The following MAVS variants were observed in gnomAD, a reference collection of about 807,000 sequenced individuals.
MAVS encodes mitochondrial antiviral signaling protein, also known as mitochondrial antiviral-signaling protein.
MAVS carries 20 observed loss-of-function variants against 30.2 expected under a neutral mutation model. The observed-to-expected ratio is 0.66, with a 90% CI of 0.47 to 0.96. MAVS has a LOEUF of 0.96. MAVS is among the 40% of genes least tolerant of loss of function. The pLI is 0.00. For synonymous variants in MAVS, 278 were observed against 293.9 expected, an observed-to-expected ratio of 0.95 and a Z score of 0.55; for missense variants, 624 against 701.1, an observed-to-expected ratio of 0.89 and a Z score of 1.24.
At chr20:3,851,503 CAA>C (rs57620434) in intron 1 of MAVS, among the ~76,000 whole-genome samples, 18,668 of 95,506 alleles carry the variant, frequency 0.2, 998 homozygotes, top group African/African-American at 0.26. Context: ...GACTCTGTCT[CAA>C]AAAAAAAAAA....
rs1260635084 is a variant in MAVS at position 3,869,011 on chromosome 20, T to C, written c.*2864T>C. On this transcript the variant is annotated 3_prime_UTR_variant, in exon 7 of 7. Transcript: ENST00000428216. ...CCCGCCTCCCATCCTCCCATCTTTT[T>C]CTTTTTTCTTTTTTTTAGAGAATCA... 6 of 152,418 alleles carry C rather than the reference T, an allele frequency of 3.9e-5. No homozygotes were observed. In the East Asian group the frequency reaches 1.1e-3, roughly 29 times the overall value. The allele number at this position is 152,418 out of a possible 1,614,324, so 9.4% of individuals were successfully genotyped here.
chr20:3,859,955 T>G (rs898442166), intron 3 of MAVS, among the ~76,000 whole-genome samples: 1 of 151,806 alleles, frequency 6.6e-6, no homozygotes, highest in Non-Finnish European at 1.5e-5. Flanking sequence ...TAGCTGGGAC[T>G]ACAGGCGCCT....
chr20:3,848,862 A>ACCCAG (rs1287194714), intron 1 of MAVS, among the ~76,000 whole-genome samples: 16 of 152,024 alleles, frequency 1.1e-4, no homozygotes, highest in Non-Finnish European at 1.8e-4. Flanking sequence ...CCAAGGAGTC[A>ACCCAG]TGCTTCTTTT....
chr20:3,866,198 C>A lies in MAVS; in HGVS notation c.*51C>A. ...CCATCTGTTCCGTTCCTGCAGTACA[C>A]CTGGCCCCTCTCCGAAGCCCCTTGT... On this transcript the variant is annotated 3_prime_UTR_variant, in exon 7 of 7. Transcript: ENST00000428216. The A allele has an allele frequency of 6.8e-7, 1 of 1,464,456 alleles. No individual in the cohort carries two copies. Among genetic ancestry groups the A allele is most frequent in the Non-Finnish European group, 9.1e-7 (1 of 1,098,012 alleles). The allele number at this position is 1,464,456 out of a possible 1,614,324, so 90.7% of individuals were successfully genotyped here. A position where few individuals can be genotyped will look rare whatever the true frequency, so the allele number is the denominator to read the frequency against.
At chr20:3,850,105 GTC>G (rs1376328449) in intron 1 of MAVS, among the ~76,000 whole-genome samples, 1 of 149,870 alleles carries the variant, frequency 6.7e-6, no homozygotes, top group African/African-American at 2.5e-5. Flanking sequence ...GGTGAAACCT[GTC>G]TCTACTAAAA....
intron 4 of MAVS, 111 bp downstream of exon 4, chr20:3,861,615 T>A: frequency 2.5e-6 from 3 of 1,193,470 alleles, no homozygotes; most frequent in Non-Finnish European, 3.5e-6. Flanking sequence ...TCACGCCTAA[T>A]CTCTGCTCAG....
Position 3,863,202 on chromosome 20 carries a change from C to T in MAVS, c.625+789C>T, listed in dbSNP as rs118149486. On this transcript the variant is annotated intron_variant, in intron 5 of 6. Transcript: ENST00000428216. ...TCTCAGTCCCCAGAGGAAGTAAGGT[C>T]TTCATCATCCAGTGGCCTGGACTCA... is the stretch of plus-strand genomic sequence containing the variant. 9.2e-5 allele frequency among the ~76,000 whole-genome samples: 14 copies of T among 152,308 alleles called. No individual in the cohort carries two copies. The East Asian group carries it at 1.5e-3, about 17-fold the overall frequency.
chr20:3,856,432 A>C (rs1187327524), intron 2 of MAVS, among the ~76,000 whole-genome samples: 1 of 143,136 alleles, frequency 7.0e-6, no homozygotes, highest in Admixed American at 7.3e-5. Flanking sequence ...TCTTGGGTCA[A>C]CCTCTGCCTC....
intron 1 of MAVS, among the ~76,000 whole-genome samples, chr20:3,852,916 T>G (rs185470464): frequency 4.2e-5 from 6 of 143,610 alleles, no homozygotes; most frequent in South Asian, 4.7e-4. Flanking sequence ...CTCGGCTCAC[T>G]ACAACCTCCG....
Position 3,865,753 on chromosome 20 carries a change from A to T in MAVS, c.1229A>T (p.Glu410Val). 1 of 1,613,502 alleles carries T rather than the reference A, an allele frequency of 6.2e-7. No individual in the cohort carries two copies. The highest frequency in any genetic ancestry group is 8.5e-7 in the Non-Finnish European group (1 of 1,179,984). The change falls in exon 7 of 7, where the codon GAG becomes GTG. Residue 410 changes from glutamate (E) to valine (V), a missense_variant. Coordinates refer to ENST00000428216, the MANE Select transcript of MAVS (RefSeq NM_020746.5). This position sits in a 1 kb window ranked among gnomAD's most constrained non-coding sequence, Gnocchi z 4.7. ...TCAGCCTGGCTAGACAGCAGCTCTGAGAATAGGGGCCTTGGGTCGGAGCTG... is the reference window on the plus strand; with the variant it reads ...TCAGCCTGGCTAGACAGCAGCTCTGTGAATAGGGGCCTTGGGTCGGAGCTG... Reference protein sequence around the residue: ...GSSAWLDSSSENRGLGSELSK... With the variant: ...GSSAWLDSSSVNRGLGSELSK...
At chr20:3,858,692 A>T (rs1292516833) in intron 3 of MAVS, among the ~76,000 whole-genome samples, 3 of 151,464 alleles carry the variant, frequency 2.0e-5, no homozygotes, top group African/African-American at 7.3e-5. Context: ...GACATGGGAA[A>T]AAAAATCAAG....
Position 3,874,484 on chromosome 20 carries a change from C to T in MAVS, c.*8337C>T. ...GGCAGGGGTCAAAGGCAGGCAGGGA[C>T]TGTGAAATGTTATAGTGGAAAAAAA... On this transcript the variant is annotated 3_prime_UTR_variant, in exon 7 of 7. Transcript: ENST00000428216. 2.8e-6 allele frequency: 1 copy of T among 353,698 alleles called. No individual in the cohort carries two copies. The highest frequency in any genetic ancestry group is 5.1e-6 in the Non-Finnish European group (1 of 197,560). 21.9% of individuals were successfully genotyped at this position (353,698 alleles called of 1,614,324 possible). A position where few individuals can be genotyped will look rare whatever the true frequency, so the allele number is the denominator to read the frequency against.
Position 3,875,472 on chromosome 20 carries a change from A to AT in MAVS, c.*9328dup, listed in dbSNP as rs1014281956. 4.9e-4 allele frequency: 26 copies of AT among 53,602 alleles called. No homozygotes were observed. The highest frequency in any genetic ancestry group is 8.3e-4 in the African/African-American group (11 of 13,232). The allele number at this position is 53,602 out of a possible 1,614,324, so 3.3% of individuals were successfully genotyped here. On this transcript the variant is annotated 3_prime_UTR_variant, in exon 7 of 7. Coordinates refer to ENST00000428216, the MANE Select transcript of MAVS (RefSeq NM_020746.5). Reference sequence around the variant, plus strand: ...CTTCTACTTCTTCAGTGCTGTTTTTATTTAAAAAAAAAAAAAACCAGCCAA... The same window carrying AT: ...CTTCTACTTCTTCAGTGCTGTTTTTATTTTAAAAAAAAAAAAAACCAGCCAA...
chr20:3,847,631 C>T (rs1365980006), intron 1 of MAVS, among the ~76,000 whole-genome samples: 1 of 152,184 alleles, frequency 6.6e-6, no homozygotes, highest in Non-Finnish European at 1.5e-5. Context: ...CGACCTGGGA[C>T]CTGTGGCAGC....
rs1481434034 is a variant in MAVS, at chr20:3,857,731, T to G, written c.214T>G (p.Phe72Val). 2.5e-6 allele frequency: 4 copies of G among 1,614,238 alleles called. No individual in the cohort carries two copies. The highest frequency in any genetic ancestry group is 3.4e-6 in the Non-Finnish European group (4 of 1,180,046). The change falls in exon 3 of 7, where the codon TTC (phenylalanine) becomes GTC (valine). Residue 72 changes from phenylalanine to valine, a missense_variant. Physicochemically the swap from Phe to Val is conservative, Grantham distance 50. Coordinates refer to ENST00000428216, the MANE Select transcript of MAVS (RefSeq NM_020746.5). ...GCGGCGGCCCGGCTGGGTGGAGTACTTCATTGCGGCACTGAGGGGCTGTGA... is the reference window on the plus strand; with the variant it reads ...GCGGCGGCCCGGCTGGGTGGAGTACGTCATTGCGGCACTGAGGGGCTGTGA... ...LQRRPGWVEY[F>V]IAALRGCELV...
chr20:3,874,197 A>G lies in MAVS; in HGVS notation c.*8050A>G. The stretch of plus-strand genomic sequence containing the variant: ...TCATCAAGAGAGAATTCATTGTATG[A>G]TTCTCTTCCTACAAAAAGTACAGAA... On this transcript the variant is annotated 3_prime_UTR_variant, in exon 7 of 7. Transcript: ENST00000428216. 2.5e-6 allele frequency: 1 copy of G among 398,640 alleles called. No homozygotes were observed. Among genetic ancestry groups the G allele is most frequent in the Non-Finnish European group, 4.4e-6 (1 of 226,074 alleles). The allele number at this position is 398,640 out of a possible 1,614,324, so 24.7% of individuals were successfully genotyped here. A position where few individuals can be genotyped will look rare whatever the true frequency, so the allele number is the denominator to read the frequency against.
At chr20:3,856,271 G>A (rs1318580682) in intron 2 of MAVS, among the ~76,000 whole-genome samples, 1 of 151,316 alleles carries the variant, frequency 6.6e-6, no homozygotes, top group African/African-American at 2.4e-5. Context: ...AGCCAGGATT[G>A]TCTCGATCTC....
At position 3,873,941 on chromosome 20, in the gene MAVS, C is replaced by G; in HGVS notation, c.*7794C>G. ...GTACACCACAGAAAGCTATGTCCACCGAGACATTGGCAAGAATGTTTCTAA... is the reference window on the plus strand; with the variant it reads ...GTACACCACAGAAAGCTATGTCCACGGAGACATTGGCAAGAATGTTTCTAA... On this transcript the variant is annotated 3_prime_UTR_variant, in exon 7 of 7. Coordinates refer to ENST00000428216, the MANE Select transcript of MAVS (RefSeq NM_020746.5). The G allele has an allele frequency of 5.1e-6, 2 of 395,600 alleles. No individual in the cohort carries two copies. The highest frequency in any genetic ancestry group is 8.9e-6 in the Non-Finnish European group (2 of 224,804). 24.5% of individuals were successfully genotyped at this position (395,600 alleles called of 1,614,324 possible). A position where few individuals can be genotyped will look rare whatever the true frequency, so the allele number is the denominator to read the frequency against.
Position 3,870,001 on chromosome 20 carries a change from A to G in MAVS, c.*3854A>G, listed in dbSNP as rs969633252. 1 of 152,372 alleles carries G rather than the reference A, an allele frequency of 6.6e-6. No individual in the cohort carries two copies. The highest frequency in any genetic ancestry group is 1.5e-5 in the Non-Finnish European group (1 of 68,066). The allele number at this position is 152,372 out of a possible 1,614,324, so 9.4% of individuals were successfully genotyped here. ...GCTGTTGTCAACCTGAAGGCCTCTC[A>G]AATGCCAGCTTCAAGCAGGGTGTGA... On this transcript the variant is annotated 3_prime_UTR_variant, in exon 7 of 7. Coordinates refer to ENST00000428216, the MANE Select transcript of MAVS (RefSeq NM_020746.5).
Sources: allele counts gnomAD v4.1 joint callset (sites outside exome capture counted in the v4.1 genomes callset), GRCh38; gene constraint gnomAD v4.1.1; non-coding constraint Gnocchi (gnomAD v3.1); transcripts MANE v1.5; gene names NCBI Gene and HGNC (gene_info 2026-07-23, HGNC 2026-07-21).